Variants in GPR158 observed in about 807,000 individuals in gnomAD.
The protein encoded by GPR158 is metabotropic glycine receptor.
Under a neutral mutation model 78.2 loss-of-function variants are expected in GPR158, and 30 were observed. The observed-to-expected ratio is 0.38, with a 90% CI of 0.29 to 0.52. The LOEUF (loss-of-function observed/expected upper bound fraction) is 0.52. Among genes scored for constraint, GPR158 ranks in the 20% least tolerant of loss-of-function variants. GPR158 has a pLI of 0.83. For missense variants in GPR158, 1,463 were observed against 1,523.5 expected, an observed-to-expected ratio of 0.96 and a Z score of 0.66; for synonymous variants, 581 against 591.1, an observed-to-expected ratio of 0.98 and a Z score of 0.25.
intron 2 of GPR158, among the ~76,000 whole-genome samples, chr10:25,276,870 G>A (rs1161145046): frequency 6.6e-6 from 1 of 152,050 alleles, no homozygotes; most frequent in Non-Finnish European, 1.5e-5. Context: ...AAGCAGTAAG[G>A]ACATAAAAGA....
At chr10:25,304,167 C>G (rs1004431340) in intron 2 of GPR158, among the ~76,000 whole-genome samples, 5 of 151,304 alleles carry the variant, frequency 3.3e-5, no homozygotes, top group African/African-American at 1.2e-4. Flanking sequence ...CGCCCAAAAG[C>G]TACTGTGTGG....
intron 2 of GPR158, among the ~76,000 whole-genome samples, chr10:25,254,966 T>C (rs2130727232): frequency 6.6e-6 from 1 of 152,314 alleles, no homozygotes; most frequent in South Asian, 2.1e-4. Context: ...GAGTAGTCCT[T>C]CTGGGTCTAT....
At chr10:25,488,502 C>CA (rs1311918343) in intron 5 of GPR158, among the ~76,000 whole-genome samples, 5 of 151,322 alleles carry the variant, frequency 3.3e-5, no homozygotes, top group African/African-American at 7.3e-5. Context: ...CTTTGTGAAA[C>CA]AAAAAAAAGA....
chr10:25,419,902 CA>C (rs1834723578), intron 4 of GPR158, among the ~76,000 whole-genome samples: 1 of 152,104 alleles, frequency 6.6e-6, no homozygotes, highest in African/African-American at 2.4e-5. Context: ...TGACTTTGGA[CA>C]AATGTATAAT....
At position 25,192,762 on chromosome 10, in the gene GPR158, A is replaced by G. The variant is rs549062302; in HGVS notation, c.902+16440A>G. Among the ~76,000 whole-genome samples the G allele has an allele frequency of 1.8e-3, 267 of 151,810 alleles. 1 individual carries two copies. The highest frequency in any genetic ancestry group is 0.01 in the Middle Eastern group (3 of 294). On this transcript the variant is annotated intron_variant, in intron 1 of 10. Transcript: ENST00000376351. ...ACATGTACCCTAAAACTTGAAGTAT[A>G]ATAAAAAAAAGGTAGAAAAATGATA...
In GPR158 at chr10:25,535,438, G is replaced by A. The variant is rs111247138; in HGVS notation, c.1405-15538G>A. On this transcript the variant is annotated intron_variant, in intron 5 of 10. Coordinates refer to ENST00000376351, the MANE Select transcript of GPR158 (RefSeq NM_020752.3). ...CCAACCCACAGCCAGCAAGGACAAAGGGCCTCAGTTCCTCTAGCCCTCAGG... is the reference window on the plus strand; with the variant it reads ...CCAACCCACAGCCAGCAAGGACAAAAGGCCTCAGTTCCTCTAGCCCTCAGG... Among the ~76,000 whole-genome samples the A allele has an allele frequency of 6.7e-3, 1,021 of 152,298 alleles. 13 individuals are homozygous for A. The highest frequency in any genetic ancestry group is 0.023 in the African/African-American group (957 of 41,556).
chr10:25,477,448 C>T (rs1371847880), intron 5 of GPR158, among the ~76,000 whole-genome samples: 2 of 152,140 alleles, frequency 1.3e-5, no homozygotes, highest in Admixed American at 1.3e-4. Flanking sequence ...ATGTTCCAAA[C>T]TCATTTTATA....
intron 1 of GPR158, among the ~76,000 whole-genome samples, chr10:25,200,856 G>GTTTTTT (rs764033840): frequency 6.1e-5 from 7 of 115,430 alleles, no homozygotes; most frequent in Middle Eastern, 6.0e-3. Flanking sequence ...CTATGTATCT[G>GTTTTTT]TTTTTTGTTT....
intron 5 of GPR158, among the ~76,000 whole-genome samples, chr10:25,466,945 C>G (rs1835432661): frequency 6.6e-6 from 1 of 152,098 alleles, no homozygotes; most frequent in South Asian, 2.1e-4. Flanking sequence ...GAGTCAAACT[C>G]TAAAATATTT....
At chr10:25,552,191 T>A (rs1836735201) in intron 6 of GPR158, among the ~76,000 whole-genome samples, 1 of 152,130 alleles carries the variant, frequency 6.6e-6, no homozygotes, top group South Asian at 2.1e-4. Context: ...CAATTTAGCC[T>A]CTAACTCTAA....
intron 2 of GPR158, among the ~76,000 whole-genome samples, chr10:25,360,104 G>A (rs1369001256): frequency 1.3e-5 from 2 of 152,200 alleles, no homozygotes; most frequent in South Asian, 2.1e-4. Flanking sequence ...TTTTGATGAG[G>A]TTGTTTTCTT....
At chr10:25,329,839 G>A (rs182475912) in intron 2 of GPR158, among the ~76,000 whole-genome samples, 28 of 151,908 alleles carry the variant, frequency 1.8e-4, no homozygotes, top group Admixed American at 2.6e-4. Flanking sequence ...TATCGTAAGC[G>A]TCTATACTTG....
chr10:25,308,019 T>C (rs570788862), intron 2 of GPR158, among the ~76,000 whole-genome samples: 1 of 152,332 alleles, frequency 6.6e-6, no homozygotes, highest in East Asian at 1.9e-4. Flanking sequence ...TATGAATTCC[T>C]GTTTTCCCTT....
chr10:25,256,354 T>C (rs1008359238), intron 2 of GPR158, among the ~76,000 whole-genome samples: 6 of 152,202 alleles, frequency 3.9e-5, no homozygotes, highest in African/African-American at 1.2e-4. Context: ...AACTGATCTT[T>C]AAAAATAGTG....
chr10:25,351,643 A>T (rs1855473179), intron 2 of GPR158, among the ~76,000 whole-genome samples: 1 of 147,576 alleles, frequency 6.8e-6, no homozygotes, highest in Non-Finnish European at 1.5e-5. Flanking sequence ...TGAATCAGTT[A>T]CCTGCTTTTA....
intron 3 of GPR158, among the ~76,000 whole-genome samples, chr10:25,404,463 T>G (rs1239684868): frequency 1.3e-5 from 2 of 152,138 alleles, no homozygotes; most frequent in African/African-American, 4.8e-5. Context: ...TATTGAAATA[T>G]TTAACCAACG....
At chr10:25,575,561 T>C (rs2130734896) in intron 7 of GPR158, among the ~76,000 whole-genome samples, 1 of 152,274 alleles carries the variant, frequency 6.6e-6, no homozygotes, top group Admixed American at 6.5e-5. Context: ...TCGTAAGTGT[T>C]CCAGGTGATT....
chr10:25,188,381 C>T (rs1025928753), intron 1 of GPR158, among the ~76,000 whole-genome samples: 1 of 152,176 alleles, frequency 6.6e-6, no homozygotes, highest in African/African-American at 2.4e-5. Flanking sequence ...TGACTTCAAA[C>T]TATACTACAA....
intron 5 of GPR158, among the ~76,000 whole-genome samples, chr10:25,517,088 T>A (rs1836187334): frequency 6.7e-6 from 1 of 149,686 alleles, no homozygotes; most frequent in Non-Finnish European, 1.5e-5. Flanking sequence ...GTCCTTCACA[T>A]CCCTTGTAAG....
Sources: allele counts gnomAD v4.1 joint callset (sites outside exome capture counted in the v4.1 genomes callset), GRCh38; gene constraint gnomAD v4.1.1; transcripts MANE v1.5; gene names NCBI Gene and HGNC (gene_info 2026-07-23, HGNC 2026-07-21).